Variants in STIM1 observed in about 807,000 individuals in gnomAD.
STIM1 encodes stromal interaction molecule 1.
STIM1 carries 25 observed loss-of-function variants against 74.7 expected under a neutral mutation model. The ratio of observed to expected loss-of-function variants is 0.33; its 90% confidence interval spans 0.24 to 0.47. STIM1 has a LOEUF of 0.47. Among genes scored for constraint, STIM1 ranks in the 20% least tolerant of loss-of-function variants. The probability of loss-of-function intolerance (pLI) is 1.00; values close to 1 mark genes in which losing one functional copy is unlikely to be tolerated. For missense variants in STIM1, 728 were observed against 920.8 expected (o/e 0.79, Z 2.71); for synonymous variants, 328 against 348.8 (o/e 0.94, Z 0.66).
At chr11:3,883,733 G>A (rs1270724331) in intron 1 of STIM1, among the ~76,000 whole-genome samples, 1 of 152,176 alleles carries the variant, frequency 6.6e-6, no homozygotes, top group Non-Finnish European at 1.5e-5. Flanking sequence ...ATTCATTTCT[G>A]TCTTTAGCAT....
chr11:3,910,430 A>G (rs1377862524), intron 1 of STIM1, among the ~76,000 whole-genome samples: 3 of 152,184 alleles, frequency 2.0e-5, no homozygotes, highest in African/African-American at 7.2e-5. Context: ...CCTGGACCTC[A>G]TCAAAAACTA....
chr11:3,904,196 C>CAAAGAA (rs2092418667), intron 1 of STIM1, among the ~76,000 whole-genome samples: 1 of 73,876 alleles, frequency 1.4e-5, no homozygotes, highest in Non-Finnish European at 2.4e-5. Context: ...GACTCTGTCT[C>CAAAGAA]AAAAAAAAAA....
chr11:4,006,906 A>T (rs549332979), intron 2 of STIM1, among the ~76,000 whole-genome samples: 10 of 152,070 alleles, frequency 6.6e-5, no homozygotes, highest in Non-Finnish European at 1.3e-4. Flanking sequence ...CTAAGGAAGA[A>T]CCCAGGAAAG....
At chr11:4,069,882 G>A (rs2133160402) in intron 5 of STIM1, 144 bp from the exon 6 acceptor site, 1 of 875,420 alleles carries the variant, frequency 1.1e-6, no homozygotes, top group Non-Finnish European at 1.9e-6. Context: ...TGGCAAGTGT[G>A]TATCTAAGAA....
At chr11:3,953,395 C>T (rs2093172382) in intron 1 of STIM1, among the ~76,000 whole-genome samples, 1 of 152,134 alleles carries the variant, frequency 6.6e-6, no homozygotes, top group Admixed American at 6.5e-5. Context: ...ACAAAAAACC[C>T]CTGATGGAAG....
At chr11:3,947,272 GTGACAGGCC>G (rs1223463352) in intron 1 of STIM1, 4 of 152,132 alleles carry the variant, frequency 2.6e-5, no homozygotes, top group Non-Finnish European at 4.4e-5. Context: ...TTTGCACTTA[GTGACAGGCC>G]TGACAGGTCA....
intron 1 of STIM1, chr11:3,892,695 C>T: frequency 6.2e-7 from 1 of 1,612,912 alleles, no homozygotes; most frequent in East Asian, 2.2e-5. Context: ...GTGAAGTCAC[C>T]ACCCTGACAC....
chr11:4,058,651 G>A, intron 4 of STIM1: 1 of 301,282 alleles, frequency 3.3e-6, no homozygotes, highest in Non-Finnish European at 4.9e-6. Flanking sequence ...TCTTATTAAA[G>A]TTATCACTGA....
chr11:3,872,951 C>CTT (rs1246762993), intron 1 of STIM1, among the ~76,000 whole-genome samples: 7 of 140,992 alleles, frequency 5.0e-5, no homozygotes, highest in Admixed American at 1.4e-4. Context: ...GTTACTCCCA[C>CTT]TTTTTTTTTT....
chr11:4,046,107 C>T (rs1293115537), intron 3 of STIM1, among the ~76,000 whole-genome samples: 2 of 140,718 alleles, frequency 1.4e-5, no homozygotes, highest in African/African-American at 5.3e-5. Flanking sequence ...GTCTGTCGCC[C>T]AGGCTGGAGT....
chr11:4,055,115 C>T (rs1030111673), intron 3 of STIM1, among the ~76,000 whole-genome samples: 2 of 152,108 alleles, frequency 1.3e-5, no homozygotes, highest in Non-Finnish European at 2.9e-5. Flanking sequence ...AAAAATATTC[C>T]AAAATCAAAT....
At chr11:4,030,105 G>C (rs1056870599) in intron 3 of STIM1, among the ~76,000 whole-genome samples, 1 of 152,100 alleles carries the variant, frequency 6.6e-6, no homozygotes, top group South Asian at 2.1e-4. Flanking sequence ...GAGGCGGGTG[G>C]ATCACTTAAG....
chr11:3,874,885 C>T lies in STIM1; in HGVS notation c.139+18476C>T, dbSNP rs570608657. Among the ~76,000 whole-genome samples, 98 of 152,092 alleles carry T rather than the reference C, an allele frequency of 6.4e-4. 1 individual carries two copies. The highest frequency in any genetic ancestry group is 6.9e-3 in the Middle Eastern group (2 of 288). The stretch of plus-strand genomic sequence containing the variant: ...GCCTTGGCTAGTTTTTCAAATAAGG[C>T]CCCCTGTGTCTTTCTGATTTGCCCA... On this transcript the variant is annotated intron_variant, in intron 1 of 12. Coordinates refer to ENST00000526596, the MANE Select transcript of STIM1 (RefSeq NM_001382567.1).
At chr11:4,066,531 T>C (rs949198540) in intron 5 of STIM1, among the ~76,000 whole-genome samples, 41 of 152,212 alleles carry the variant, frequency 2.7e-4, no homozygotes, top group African/African-American at 7.9e-4. Context: ...ACTCACAGAC[T>C]ACCAGATGGT....
At chr11:3,966,205 C>A (rs2093339491) in intron 1 of STIM1, among the ~76,000 whole-genome samples, 1 of 152,204 alleles carries the variant, frequency 6.6e-6, no homozygotes, top group Non-Finnish European at 1.5e-5. Context: ...TGGGCTCTCA[C>A]TGTGGCTCTT....
intron 1 of STIM1, among the ~76,000 whole-genome samples, chr11:3,940,516 C>G (rs1249829080): frequency 6.6e-6 from 1 of 152,098 alleles, no homozygotes; most frequent in African/African-American, 2.4e-5. Context: ...GGGATAATAA[C>G]AGCAGACTCA....
rs1392945632 is a variant in STIM1, at chr11:3,895,656, T to C, written c.139+39247T>C. ...TTTCTTTCTTTCTTTCTTTCTTTCT[T>C]TCTTTCTTTCTTTCTTTCCTTCCTT... On this transcript the variant is annotated intron_variant, in intron 1 of 12. Coordinates refer to ENST00000526596, the MANE Select transcript of STIM1 (RefSeq NM_001382567.1). Among the ~76,000 whole-genome samples, 21 of 14,518 alleles carry C rather than the reference T, an allele frequency of 1.4e-3. 1 individual carries two copies. Among genetic ancestry groups the C allele is most frequent in the African/African-American group, 4.2e-3 (19 of 4,570 alleles). 9.5% of individuals were successfully genotyped at this position (14,518 alleles called of 152,430 possible).
chr11:3,940,274 G>A (rs1459777197), intron 1 of STIM1, among the ~76,000 whole-genome samples: 1 of 152,056 alleles, frequency 6.6e-6, no homozygotes, highest in African/African-American at 2.4e-5. Flanking sequence ...GGAGGAGAGG[G>A]GCTCACTCAG....
chr11:4,002,826 T>C (rs1043034153), intron 2 of STIM1, among the ~76,000 whole-genome samples: 1 of 145,758 alleles, frequency 6.9e-6, no homozygotes, highest in African/African-American at 2.5e-5. Context: ...ATCAACAAAA[T>C]TGATAGACCG....
Sources: allele counts gnomAD v4.1 joint callset (sites outside exome capture counted in the v4.1 genomes callset), GRCh38; gene constraint gnomAD v4.1.1; transcripts MANE v1.5; gene names NCBI Gene and HGNC (gene_info 2026-07-23, HGNC 2026-07-21).